The following RNF13 variants were observed in gnomAD, a reference collection of about 807,000 sequenced individuals.
RNF13 encodes ring finger protein 13, also known as E3 ubiquitin-protein ligase RNF13.
A neutral mutation model predicts 37.7 loss-of-function variants in RNF13; 19 were observed. That is an observed-to-expected ratio of 0.50 (90% CI 0.35 to 0.74). The LOEUF is 0.74. Among genes scored for constraint, RNF13 ranks in the 30% least tolerant of loss-of-function variants. The pLI is 0.01. For missense variants in RNF13, 375 were observed against 453.0 expected (o/e 0.83, Z 1.56); for synonymous variants, 144 against 157.8 (o/e 0.91, Z 0.65).
chr3:149,896,502 G>A (rs970805742), intron 5 of RNF13, among the ~76,000 whole-genome samples: 1 of 148,138 alleles, frequency 6.8e-6, no homozygotes, highest in African/African-American at 2.5e-5. Flanking sequence ...TTTTTGAGAT[G>A]GAGTTTCACT....
chr3:149,886,708 C>T (rs1205918070), intron 4 of RNF13, among the ~76,000 whole-genome samples: 4 of 152,112 alleles, frequency 2.6e-5, no homozygotes, highest in African/African-American at 9.7e-5. Flanking sequence ...GTCTTTTAAC[C>T]TGAAGTATGA....
chr3:149,896,154 TC>T (rs1158096647), intron 5 of RNF13, among the ~76,000 whole-genome samples: 2 of 152,366 alleles, frequency 1.3e-5, no homozygotes, highest in East Asian at 3.9e-4. Context: ...TAATGTAGTT[TC>T]TATTACTCAG....
At position 149,829,850 on chromosome 3, in the gene RNF13, C is replaced by T. The variant is rs188283487; in HGVS notation, c.-16-16161C>T. ...TAAACCCCATGTGTTGTGGGAGGGA[C>T]GTGGTGGGAGGTAATTGAATCATGG... On this transcript the variant is annotated intron_variant, in intron 1 of 9. Transcript: ENST00000392894. Among the ~76,000 whole-genome samples, 23 of 152,184 alleles carry T rather than the reference C, an allele frequency of 1.5e-4. 1 individual carries two copies. Among genetic ancestry groups the T allele is most frequent in the Admixed American group, 9.2e-4 (14 of 15,282 alleles).
chr3:149,885,061 A>G (rs916814261), intron 4 of RNF13, among the ~76,000 whole-genome samples: 4 of 151,958 alleles, frequency 2.6e-5, no homozygotes, highest in African/African-American at 9.7e-5. Flanking sequence ...ACAGGATCTC[A>G]TTTTTTCTAA....
At chr3:149,839,807 C>G (rs1428100398) in intron 1 of RNF13, among the ~76,000 whole-genome samples, 1 of 152,150 alleles carries the variant, frequency 6.6e-6, no homozygotes, top group Non-Finnish European at 1.5e-5. Flanking sequence ...TCCGTTGTCT[C>G]CATTATTCCG....
intron 4 of RNF13, among the ~76,000 whole-genome samples, chr3:149,872,832 T>C (rs142094834): frequency 6.6e-6 from 1 of 152,226 alleles, no homozygotes; most frequent in African/African-American, 2.4e-5. Context: ...AAAACCGCCC[T>C]GTCATGCTGT....
At position 149,937,732 on chromosome 3, in the gene RNF13, G is replaced by A. The variant is rs189501898; in HGVS notation, c.700+16505G>A. 2.0e-5 allele frequency among the ~76,000 whole-genome samples: 3 copies of A among 152,194 alleles called. No homozygotes were observed. The East Asian group carries it at 5.8e-4, about 29-fold the overall frequency. On this transcript the variant is annotated intron_variant, in intron 8 of 9. Transcript: ENST00000392894. ...TCTTCACATGTTTGGGAATTTGCCA[G>A]CTATCTGTATTTATATATTATTATA...
At chr3:149,814,653 T>G (rs145996016) in intron 1 of RNF13, among the ~76,000 whole-genome samples, 18 of 152,300 alleles carry the variant, frequency 1.2e-4, no homozygotes, top group African/African-American at 3.8e-4. Context: ...TTTTTAACAG[T>G]ATGTGTGTGT....
At chr3:149,868,418 T>C (rs1365847536) in intron 3 of RNF13, among the ~76,000 whole-genome samples, 2 of 151,858 alleles carry the variant, frequency 1.3e-5, no homozygotes, top group African/African-American at 4.8e-5. Context: ...CTCTCAACTT[T>C]TGTTTATCTG....
intron 4 of RNF13, among the ~76,000 whole-genome samples, chr3:149,888,100 T>C: frequency 6.6e-6 from 1 of 152,190 alleles, no homozygotes; most frequent in East Asian, 1.9e-4. Flanking sequence ...TATTTATTCC[T>C]AAACCATGGT....
intron 8 of RNF13, among the ~76,000 whole-genome samples, chr3:149,932,473 A>G (rs958215063): frequency 6.6e-6 from 1 of 152,158 alleles, no homozygotes; most frequent in African/African-American, 2.4e-5. Context: ...CTTTCCACCT[A>G]TTAGCCCGTA....
chr3:149,844,909 C>T (rs1722501129), intron 1 of RNF13, among the ~76,000 whole-genome samples: 2 of 152,058 alleles, frequency 1.3e-5, no homozygotes, highest in African/African-American at 4.8e-5. Flanking sequence ...CCTCCAAAAC[C>T]CTTACTCATT....
intron 3 of RNF13, among the ~76,000 whole-genome samples, chr3:149,864,581 G>C (rs1724614277): frequency 6.6e-6 from 1 of 152,118 alleles, no homozygotes; most frequent in Admixed American, 6.5e-5. Flanking sequence ...TCCATTGAGT[G>C]AACACACATT....
At chr3:149,959,843 TAAAC>T (rs1259754682) in intron 8 of RNF13, 3 of 401,378 alleles carry the variant, frequency 7.5e-6, no homozygotes, top group African/African-American at 6.2e-5. Flanking sequence ...ATAATCAAGG[TAAAC>T]AAATTTGTCA....
intron 8 of RNF13, among the ~76,000 whole-genome samples, chr3:149,929,105 T>C (rs1177083510): frequency 6.6e-6 from 1 of 152,194 alleles, no homozygotes; most frequent in African/African-American, 2.4e-5. Context: ...TAGCAGATTG[T>C]ATTAGCCTGT....
At chr3:149,817,042 A>G (rs754461588) in intron 1 of RNF13, among the ~76,000 whole-genome samples, 3 of 152,122 alleles carry the variant, frequency 2.0e-5, no homozygotes, top group Non-Finnish European at 4.4e-5. Flanking sequence ...TTAGGAGGAG[A>G]GAGGATGATA....
At chr3:149,860,280 T>A (rs1317767754) in intron 3 of RNF13, among the ~76,000 whole-genome samples, 109 of 127,866 alleles carry the variant, frequency 8.5e-4, no homozygotes, top group East Asian at 2.2e-3. Context: ...AATATATATA[T>A]ATATATATAT....
At chr3:149,901,298 T>TAAACTAA (rs1715810187) in intron 5 of RNF13, among the ~76,000 whole-genome samples, 2 of 152,202 alleles carry the variant, frequency 1.3e-5, no homozygotes, top group Non-Finnish European at 2.9e-5. Context: ...AAATGGGCCT[T>TAAACTAA]CTCTAAAGCC....
chr3:149,851,510 A>G (rs1045765592), intron 2 of RNF13: 1 of 152,232 alleles, frequency 6.6e-6, no homozygotes, highest in Admixed American at 6.5e-5. Context: ...TGCTTTGTGA[A>G]TACTTAAGGT....
Sources: allele counts gnomAD v4.1 joint callset (sites outside exome capture counted in the v4.1 genomes callset), GRCh38; gene constraint gnomAD v4.1.1; transcripts MANE v1.5; gene names NCBI Gene and HGNC (gene_info 2026-07-23, HGNC 2026-07-21).